Variants in NHEJ1 observed in about 807,000 individuals in gnomAD.
NHEJ1 encodes non-homologous end joining factor 1.
Under a neutral mutation model 39.4 loss-of-function variants are expected in NHEJ1, and 22 were observed. The ratio of observed to expected loss-of-function variants is 0.56; its 90% CI spans 0.40 to 0.80. NHEJ1 has a LOEUF of 0.80. Ranked by LOEUF, NHEJ1 falls within the 30% of genes least tolerant of loss-of-function variation. The pLI is 0.00. For synonymous variants in NHEJ1, 154 were observed against 135.6 expected (o/e 1.14, Z -0.94); for missense variants, 329 against 357.1 (o/e 0.92, Z 0.63).
intron 5 of NHEJ1, among the ~76,000 whole-genome samples, chr2:219,145,503 C>A (rs1459228042): frequency 6.6e-6 from 1 of 152,134 alleles, no homozygotes; most frequent in African/African-American, 2.4e-5. Context: ...GGGACACAGA[C>A]CCTGTCCACA....
At chr2:219,119,323 G>C (rs1296506862) in intron 5 of NHEJ1, among the ~76,000 whole-genome samples, 1 of 152,232 alleles carries the variant, frequency 6.6e-6, no homozygotes, top group African/African-American at 2.4e-5. Flanking sequence ...ATGGCATCTG[G>C]TGGAATTGGC....
At chr2:219,107,972 G>A (rs893909630) in intron 5 of NHEJ1, among the ~76,000 whole-genome samples, 5 of 151,472 alleles carry the variant, frequency 3.3e-5, no homozygotes, top group East Asian at 3.9e-4. Flanking sequence ...CTTGAAACGC[G>A]GCTAGTCTGG....
intron 5 of NHEJ1, among the ~76,000 whole-genome samples, chr2:219,083,239 T>A (rs1170966442): frequency 6.6e-6 from 1 of 152,142 alleles, no homozygotes; most frequent in Non-Finnish European, 1.5e-5. Context: ...ATGTATACTC[T>A]GTGAAATGGT....
Position 219,077,311 on chromosome 2 carries a change from C to T in NHEJ1, c.760G>A (p.Val254Ile), listed in dbSNP as rs868574269. The change falls in exon 7 of 8, where the codon GTA becomes ATA. Residue 254 changes from valine (V) to isoleucine (I), a missense_variant. Coordinates refer to ENST00000356853, the MANE Select transcript of NHEJ1 (RefSeq NM_024782.3). ...ASLQGIDSQC[V>I]NQPEQLVSSA... ...GAGACCAGTTGTTCTGGCTGGTTTA[C>T]ACATTGGCTATCGATTCCTTGCAGG... 1.9e-6 allele frequency: 3 copies of T among 1,613,970 alleles called. No individual in the cohort carries two copies. The African/African-American group carries it at 4.0e-5, about 22-fold the overall frequency.
intron 5 of NHEJ1, among the ~76,000 whole-genome samples, chr2:219,130,381 G>GT (rs1367688855): frequency 6.6e-6 from 1 of 151,876 alleles, no homozygotes; most frequent in African/African-American, 2.4e-5. Flanking sequence ...TTCTGACAAG[G>GT]TAAGTACAGC....
At chr2:219,139,629 A>T (rs1041048902) in intron 5 of NHEJ1, among the ~76,000 whole-genome samples, 4 of 152,194 alleles carry the variant, frequency 2.6e-5, no homozygotes, top group Non-Finnish European at 4.4e-5. Flanking sequence ...TGACCCTCAG[A>T]AACCATGCAA....
intron 5 of NHEJ1, among the ~76,000 whole-genome samples, chr2:219,084,286 C>T (rs749741429): frequency 7.2e-4 from 110 of 152,326 alleles, no homozygotes; most frequent in Middle Eastern, 3.4e-3. Context: ...GGGTTACAGG[C>T]ATGAGCCACC....
chr2:219,120,049 T>C (rs146773486), intron 5 of NHEJ1, among the ~76,000 whole-genome samples: 15 of 152,340 alleles, frequency 9.8e-5, no homozygotes, highest in African/African-American at 2.9e-4. Flanking sequence ...GGACATGATC[T>C]AGTGTTTGTC....
At chr2:219,122,624 TC>T (rs1949482148) in intron 5 of NHEJ1, among the ~76,000 whole-genome samples, 1 of 152,176 alleles carries the variant, frequency 6.6e-6, no homozygotes, top group African/African-American at 2.4e-5. Context: ...ATGCTTTTTC[TC>T]CTGGCCCAGA....
At chr2:219,143,257 T>G (rs1188665214) in intron 5 of NHEJ1, among the ~76,000 whole-genome samples, 1 of 152,142 alleles carries the variant, frequency 6.6e-6, no homozygotes, top group Admixed American at 6.5e-5. Context: ...GACCCTTCTG[T>G]GTCCTGTTTG....
intron 5 of NHEJ1, among the ~76,000 whole-genome samples, chr2:219,113,523 A>G (rs893375595): frequency 6.6e-6 from 1 of 152,078 alleles, no homozygotes; most frequent in African/African-American, 2.4e-5. Flanking sequence ...TATCTCTATA[A>G]CCTGCTTTCT....
At chr2:219,100,214 G>T (rs1559190613) in intron 5 of NHEJ1, among the ~76,000 whole-genome samples, 1 of 152,118 alleles carries the variant, frequency 6.6e-6, no homozygotes. Flanking sequence ...ACCTTCAACA[G>T]CTTTAATATG....
At chr2:219,146,476 C>T (rs543218484) in intron 5 of NHEJ1, among the ~76,000 whole-genome samples, 4 of 152,258 alleles carry the variant, frequency 2.6e-5, no homozygotes, top group Admixed American at 1.3e-4. Flanking sequence ...AGTCCACTTC[C>T]GCCTCTTACG....
At chr2:219,115,327 T>C (rs1170972820) in intron 5 of NHEJ1, among the ~76,000 whole-genome samples, 1 of 152,142 alleles carries the variant, frequency 6.6e-6, no homozygotes, top group Non-Finnish European at 1.5e-5. Flanking sequence ...GGCCATGCTA[T>C]TACAGATCTA....
chr2:219,106,081 G>A (rs966340320), intron 5 of NHEJ1, among the ~76,000 whole-genome samples: 2 of 152,152 alleles, frequency 1.3e-5, no homozygotes, highest in East Asian at 1.9e-4. Flanking sequence ...CTCACTAAAC[G>A]TTCATTCCAT....
chr2:219,148,997 C>T (rs868300367), intron 3 of NHEJ1, among the ~76,000 whole-genome samples: 8 of 152,016 alleles, frequency 5.3e-5, no homozygotes, highest in African/African-American at 1.9e-4. Context: ...GATTCTCCTG[C>T]CTCACCCTCC....
chr2:219,157,774 G>A (rs1033611530), intron 2 of NHEJ1, 90 bp from the exon 3 acceptor site: 54 of 1,001,380 alleles, frequency 5.4e-5, no homozygotes, highest in African/African-American at 4.3e-4. Flanking sequence ...TGGTTAACAC[G>A]AAGGCAATGG....
intron 5 of NHEJ1, among the ~76,000 whole-genome samples, chr2:219,143,112 C>T (rs73991392): frequency 0.019 from 2,943 of 152,242 alleles, 101 homozygotes; most frequent in African/African-American, 0.067. Flanking sequence ...AGGCAATGAC[C>T]GCATGGCCCT....
At chr2:219,110,872 C>G (rs1039129835) in intron 5 of NHEJ1, among the ~76,000 whole-genome samples, 2 of 152,142 alleles carry the variant, frequency 1.3e-5, no homozygotes, top group Non-Finnish European at 2.9e-5. Context: ...CAGCGCTCCT[C>G]CTCCATTTCA....
Sources: allele counts gnomAD v4.1 joint callset (sites outside exome capture counted in the v4.1 genomes callset), GRCh38; gene constraint gnomAD v4.1.1; transcripts MANE v1.5; gene names NCBI Gene and HGNC (gene_info 2026-07-23, HGNC 2026-07-21).